The following NCOA2 variants were observed in gnomAD, a reference collection of about 807,000 sequenced individuals.
NCOA2 encodes class E basic helix-loop-helix protein 75.
A neutral mutation model predicts 145.1 loss-of-function variants in NCOA2; 21 were observed. The observed-to-expected ratio is 0.14, with a 90% CI of 0.10 to 0.21. The LOEUF (loss-of-function observed/expected upper bound fraction) is 0.21, where lower values mean the gene tolerates loss of function less well. Ranked by LOEUF, NCOA2 falls within the 10% of genes least tolerant of loss-of-function variation. The pLI is 1.00. For synonymous variants in NCOA2, 619 were observed against 637.5 expected (o/e 0.97, Z 0.44); for missense variants, 1,472 against 1,837.6 (o/e 0.80, Z 3.64).
chr8:70,384,414 C>G (rs1178889985), intron 1 of NCOA2, among the ~76,000 whole-genome samples: 5 of 152,104 alleles, frequency 3.3e-5, no homozygotes, highest in Admixed American at 3.3e-4. Flanking sequence ...GGAATTTTCT[C>G]AAAAGGGGTT....
At chr8:70,317,683 A>C (rs1227265312) in intron 1 of NCOA2, among the ~76,000 whole-genome samples, 1 of 152,198 alleles carries the variant, frequency 6.6e-6, no homozygotes, top group Admixed American at 6.5e-5. Flanking sequence ...GATAAACAGC[A>C]CTGCACTTTA....
the NCOA2 span, among the ~76,000 whole-genome samples, chr8:70,441,541 GAGAGAGAAAGAAAGAGGAA>G: frequency 4.0e-5 from 6 of 148,788 alleles, no homozygotes; most frequent in East Asian, 2.0e-4. Context: ...AGGAAAGAAA[GAGAGAGAAAGAAAGAGGAA>G]AGAGAGAAAG....
At chr8:70,443,853 G>A in the NCOA2 span, among the ~76,000 whole-genome samples, 37,837 of 151,986 alleles carry the variant, frequency 0.25, 4,937 homozygotes, top group East Asian at 0.35. Flanking sequence ...GCAATTACCG[G>A]CTATAATATT....
At chr8:70,445,742 G>C in the NCOA2 span, among the ~76,000 whole-genome samples, 2 of 152,190 alleles carry the variant, frequency 1.3e-5, no homozygotes, top group Admixed American at 6.5e-5. Flanking sequence ...GCCTTGGAGT[G>C]CCACTGGAAG....
chr8:70,404,195 G>A (rs1814649431), upstream of NCOA2, among the ~76,000 whole-genome samples: 1 of 152,198 alleles, frequency 6.6e-6, no homozygotes. Flanking sequence ...CTGTGGTAGA[G>A]GGAGGGTGAC....
chr8:70,230,274 G>A (rs1196669291), intron 2 of NCOA2, among the ~76,000 whole-genome samples: 1 of 152,186 alleles, frequency 6.6e-6, no homozygotes, highest in Admixed American at 6.5e-5. Flanking sequence ...AAAATAAGCA[G>A]ATCCGTAGAA....
intron 4 of NCOA2, among the ~76,000 whole-genome samples, chr8:70,176,822 T>A (rs1351664204): frequency 1.3e-5 from 2 of 152,150 alleles, no homozygotes; most frequent in African/African-American, 2.4e-5. Flanking sequence ...AGCACCTCCA[T>A]CCACACCACA....
intron 15 of NCOA2, among the ~76,000 whole-genome samples, chr8:70,133,675 A>C (rs1360451511): frequency 6.6e-6 from 1 of 152,174 alleles, no homozygotes; most frequent in Non-Finnish European, 1.5e-5. Flanking sequence ...AAAACAAACA[A>C]AAAGTTTATA....
At chr8:70,404,759 A>G (rs1223184167), upstream of NCOA2, among the ~76,000 whole-genome samples, 1 of 152,216 alleles carries the variant, frequency 6.6e-6, no homozygotes, top group Non-Finnish European at 1.5e-5. Context: ...CAAAGTACTG[A>G]GGGGACGTAG....
At chr8:70,287,191 C>T (rs1426907972) in intron 2 of NCOA2, among the ~76,000 whole-genome samples, 1 of 152,098 alleles carries the variant, frequency 6.6e-6, no homozygotes, top group Non-Finnish European at 1.5e-5. Context: ...CTGCAGTGAG[C>T]TATGACTGCA....
At chr8:70,331,779 A>G (rs1287236169) in intron 1 of NCOA2, among the ~76,000 whole-genome samples, 1 of 152,210 alleles carries the variant, frequency 6.6e-6, no homozygotes, top group African/African-American at 2.4e-5. Flanking sequence ...GTGAAGGAGC[A>G]ATCAAACATA....
intron 1 of NCOA2, among the ~76,000 whole-genome samples, chr8:70,325,768 A>G (rs936592412): frequency 2.6e-5 from 4 of 152,198 alleles, no homozygotes; most frequent in Non-Finnish European, 1.5e-5. Flanking sequence ...TCTGTTCTTT[A>G]TCGAGGCTAA....
At chr8:70,375,218 TAAA>T (rs1311962790) in intron 1 of NCOA2, among the ~76,000 whole-genome samples, 1 of 152,132 alleles carries the variant, frequency 6.6e-6, no homozygotes, top group Non-Finnish European at 1.5e-5. Flanking sequence ...TATTCATCAA[TAAA>T]AATAAAGTAC....
intron 1 of NCOA2, among the ~76,000 whole-genome samples, chr8:70,330,244 T>C (rs1176143188): frequency 7.4e-6 from 1 of 135,852 alleles, no homozygotes; most frequent in Non-Finnish European, 1.6e-5. Flanking sequence ...GATGATCTGG[T>C]TTCTTATTTG....
chr8:70,327,783 T>C (rs1180574680), intron 1 of NCOA2, among the ~76,000 whole-genome samples: 2 of 152,158 alleles, frequency 1.3e-5, no homozygotes, highest in Non-Finnish European at 2.9e-5. Context: ...AAAAGCTGAA[T>C]GTAGATAGAT....
At chr8:70,329,275 C>A (rs35124548) in intron 1 of NCOA2, among the ~76,000 whole-genome samples, 15,962 of 152,052 alleles carry the variant, frequency 0.1, 1,278 homozygotes, top group East Asian at 0.41. Flanking sequence ...AGCCACCACA[C>A]CTGGCTTATT....
chr8:70,292,345 G>T (rs1563730745), intron 2 of NCOA2, among the ~76,000 whole-genome samples: 1 of 151,886 alleles, frequency 6.6e-6, no homozygotes, highest in East Asian at 2.0e-4. Flanking sequence ...TAGAGATGGG[G>T]TTTCACCATG....
intron 1 of NCOA2, among the ~76,000 whole-genome samples, chr8:70,303,176 G>C (rs1218618029): frequency 6.6e-6 from 1 of 152,174 alleles, no homozygotes; most frequent in African/African-American, 2.4e-5. Flanking sequence ...CCCTTGACTT[G>C]AAAATAGCAC....
rs546379175 is a variant in NCOA2 at position 70,137,502 on chromosome 8, A to G, written c.3158+701T>C. Reference sequence around the variant, plus strand: ...ATACATTTGTCCTGTGTTATATTCAAGTTTCCATGGAAATGGGTGGGTTTC... The same window carrying G: ...ATACATTTGTCCTGTGTTATATTCAGGTTTCCATGGAAATGGGTGGGTTTC... On this transcript the variant is annotated intron_variant, in intron 15 of 22. Coordinates refer to ENST00000452400, the MANE Select transcript of NCOA2 (RefSeq NM_006540.4). Among the ~76,000 whole-genome samples, 5 of 152,366 alleles carry G rather than the reference A, an allele frequency of 3.3e-5. No homozygotes were observed. The South Asian group carries it at 1.0e-3, about 32-fold the overall frequency.
Sources: gnomAD v4.1 joint callset for allele counts (sites outside exome capture counted in the v4.1 genomes callset) on GRCh38, gnomAD v4.1.1 for gene constraint, MANE v1.5 for transcripts, NCBI Gene and HGNC (gene_info 2026-07-23, HGNC 2026-07-21) for gene names.